ZNF140: variants seen among roughly 807,000 people sequenced by gnomAD.
ZNF140 encodes zinc finger protein 140 (clone pHZ-39).
Under a neutral mutation model 12.9 loss-of-function variants are expected in ZNF140, and 13 were observed. The observed-to-expected ratio is 1.01, with a 90% CI of 0.66 to 1.60. ZNF140 has a LOEUF of 1.60. Ranked by LOEUF, ZNF140 falls within the 40% of genes most tolerant of loss-of-function variation. ZNF140 has a pLI of 0.00. For synonymous variants in ZNF140, 214 were observed against 186.7 expected (o/e 1.15, Z -1.19); for missense variants, 531 against 548.8 (o/e 0.97, Z 0.32).
Position 133,093,193 on chromosome 12 carries a change from C to T in ZNF140, c.232+9632C>T, listed in dbSNP as rs375701194. Among the ~76,000 whole-genome samples, 54 of 151,284 alleles carry T rather than the reference C, an allele frequency of 3.6e-4. 1 individual carries two copies. In the East Asian group the frequency reaches 5.7e-3, roughly 16 times the overall value. On this transcript the variant is annotated intron_variant, in intron 4 of 4. Transcript: ENST00000355557. ...CAGGTTGGGCAGGGCCACGGTCATCCATGGGGCCTGGTACCCATGCACTGT... is the reference window on the plus strand; with the variant it reads ...CAGGTTGGGCAGGGCCACGGTCATCTATGGGGCCTGGTACCCATGCACTGT...
At position 133,106,210 on chromosome 12, in the gene ZNF140, C is replaced by T. The variant is rs777751395; in HGVS notation, c.933C>T (p.Arg311=). 1 of 1,614,158 alleles carries T rather than the reference C, an allele frequency of 6.2e-7. No homozygotes were observed. The highest frequency in any genetic ancestry group is 1.7e-5 in the Admixed American group (1 of 60,022). ...YECIECGKAF[R]RFSHLTRHQS... is the part of the protein sequence containing the mutation. Reference sequence around the variant, plus strand: ...GCATTGAATGTGGGAAGGCATTTCGCCGTTTCTCACACCTTACTCGACATC... The same window carrying T: ...GCATTGAATGTGGGAAGGCATTTCGTCGTTTCTCACACCTTACTCGACATC... Residue 311 remains arginine (R), a synonymous_variant, in exon 5 of 5, where the codon CGC becomes CGT. Coordinates refer to ENST00000355557, the MANE Select transcript of ZNF140 (RefSeq NM_003440.4).
intron 4 of ZNF140, among the ~76,000 whole-genome samples, chr12:133,098,088 C>A (rs1246430154): frequency 6.6e-6 from 1 of 152,024 alleles, no homozygotes; most frequent in Non-Finnish European, 1.5e-5. Context: ...CCCACCTCGA[C>A]CTCCCAAAGT....
intron 4 of ZNF140, chr12:133,093,609 T>C (rs1954970376): frequency 1.6e-6 from 1 of 627,420 alleles, no homozygotes; most frequent in African/African-American, 1.9e-5. Context: ...ATTTTTGTTG[T>C]CTTTCCACCA....
Position 133,105,739 on chromosome 12 carries a change from C to T in ZNF140, c.462C>T (p.Ile154=). ...HQEALAQHMN[I]STVERPYGCH... Reference sequence around the variant, plus strand: ...AAGCCCTGGCTCAACATATGAATATCAGTACTGTGGAGAGGCCCTATGGAT... The same window carrying T: ...AAGCCCTGGCTCAACATATGAATATTAGTACTGTGGAGAGGCCCTATGGAT... Residue 154 remains isoleucine (I), a synonymous_variant, in exon 5 of 5, where the codon ATC becomes ATT. Transcript: ENST00000355557. The T allele has an allele frequency of 6.2e-7, 1 of 1,614,160 alleles. No individual in the cohort carries two copies. Among genetic ancestry groups the T allele is most frequent in the East Asian group, 2.2e-5 (1 of 44,876 alleles).
At chr12:133,100,873 G>A (rs1027030178) in intron 4 of ZNF140, 4 of 338,950 alleles carry the variant, frequency 1.2e-5, no homozygotes, top group Middle Eastern at 3.8e-4. Context: ...ATTCACATTC[G>A]GGGTGGGGTG....
chr12:133,097,630 G>A (rs1200297993), intron 4 of ZNF140, among the ~76,000 whole-genome samples: 3 of 146,046 alleles, frequency 2.1e-5, no homozygotes, highest in Admixed American at 1.4e-4. Flanking sequence ...GCAACAGAGC[G>A]AGACTCTGTC....
At chr12:133,090,485 T>C (rs1954817706) in intron 4 of ZNF140, among the ~76,000 whole-genome samples, 1 of 152,174 alleles carries the variant, frequency 6.6e-6, no homozygotes, top group Admixed American at 6.5e-5. Flanking sequence ...CCTTTGAATT[T>C]AATTTGCTCT....
intron 4 of ZNF140, among the ~76,000 whole-genome samples, chr12:133,095,778 T>A (rs1038029533): frequency 9.9e-5 from 15 of 151,922 alleles, no homozygotes; most frequent in Admixed American, 8.5e-4. Flanking sequence ...GAAGGTACTA[T>A]GCCTGGATGT....
rs1304374914 is a variant in ZNF140, at chr12:133,093,315, C to T, written c.232+9754C>T. 7.8e-5 allele frequency: 49 copies of T among 626,954 alleles called. 2 individuals carry two copies. Among genetic ancestry groups the T allele is most frequent in the African/African-American group, 1.3e-4 (7 of 53,194 alleles). 38.8% of individuals were successfully genotyped at this position (626,954 alleles called of 1,614,324 possible). A position where few individuals can be genotyped will look rare whatever the true frequency, so the allele number is the denominator to read the frequency against. Reference sequence around the variant, plus strand: ...GCCCAGTAAGTATAGTTAGTTGTAGCGGCTCCTGCAGACATAGGGAGACTT... The same window carrying T: ...GCCCAGTAAGTATAGTTAGTTGTAGTGGCTCCTGCAGACATAGGGAGACTT... On this transcript the variant is annotated intron_variant, in intron 4 of 4. Coordinates refer to ENST00000355557, the MANE Select transcript of ZNF140 (RefSeq NM_003440.4).
chr12:133,094,265 C>A (rs1954991926), intron 4 of ZNF140, among the ~76,000 whole-genome samples: 1 of 151,296 alleles, frequency 6.6e-6, no homozygotes, highest in African/African-American at 2.4e-5. Flanking sequence ...GACTATTAAG[C>A]ATTCCCTGAG....
intron 4 of ZNF140, among the ~76,000 whole-genome samples, chr12:133,095,964 G>T (rs370813330): frequency 6.6e-6 from 1 of 151,156 alleles, no homozygotes; most frequent in Non-Finnish European, 1.5e-5. Flanking sequence ...GTTCCCAGGG[G>T]CAGGCAGGAG....
chr12:133,095,488 C>T (rs1348935556), intron 4 of ZNF140, among the ~76,000 whole-genome samples: 8 of 150,970 alleles, frequency 5.3e-5, no homozygotes, highest in South Asian at 2.1e-4. Flanking sequence ...GGTGGCCTGC[C>T]CCTCCACACC....
chr12:133,096,421 T>G (rs1955130983), intron 4 of ZNF140, among the ~76,000 whole-genome samples: 1 of 152,228 alleles, frequency 6.6e-6, no homozygotes, highest in African/African-American at 2.4e-5. Flanking sequence ...GAGTCTCTTA[T>G]GTCTTCCCTT....
chr12:133,099,955 C>T (rs1955276531), intron 4 of ZNF140, among the ~76,000 whole-genome samples: 1 of 150,736 alleles, frequency 6.6e-6, no homozygotes, highest in Non-Finnish European at 1.5e-5. Flanking sequence ...TCTCTCAGCA[C>T]TTCAAATATT....
chr12:133,093,415 G>A, intron 4 of ZNF140: 1 of 698,662 alleles, frequency 1.4e-6, no homozygotes, highest in Non-Finnish European at 2.6e-6. Context: ...TGTTTTCCAG[G>A]CTTTTTTTCA....
chr12:133,105,816 A>G lies in ZNF140; in HGVS notation c.539A>G (p.Gln180Arg). 1.2e-6 allele frequency: 2 copies of G among 1,614,220 alleles called. No homozygotes were observed. The highest frequency in any genetic ancestry group is 1.7e-6 in the Non-Finnish European group (2 of 1,180,050). ...FGRRFSLVLH[Q>R]RTHTGEKPYA... ...CGACGCTTTTCCCTGGTGTTACACC[A>G]GAGGACTCATACTGGAGAGAAACCA... Residue 180 changes from glutamine (Q) to arginine (R), a missense_variant, in exon 5 of 5, where the codon CAG becomes CGG. Physicochemically the swap from Gln to Arg is conservative, Grantham distance 43. Transcript: ENST00000355557.
intron 4 of ZNF140, chr12:133,084,246 AAATT>A: frequency 2.6e-6 from 1 of 385,030 alleles, no homozygotes; most frequent in Non-Finnish European, 4.9e-6. Context: ...AAGAAAAAAA[AAATT>A]AAAAGTACAT....
At chr12:133,100,279 C>T (rs939683616) in intron 4 of ZNF140, among the ~76,000 whole-genome samples, 1 of 138,660 alleles carries the variant, frequency 7.2e-6, no homozygotes, top group Non-Finnish European at 1.5e-5. Context: ...GCGATCCTTT[C>T]ACCTCAACCT....
chr12:133,099,484 T>C (rs1489265137), intron 4 of ZNF140, among the ~76,000 whole-genome samples: 4 of 152,172 alleles, frequency 2.6e-5, no homozygotes, highest in African/African-American at 9.7e-5. Flanking sequence ...GCCAATACAT[T>C]GTTATTATTT....
Sources: allele counts gnomAD v4.1 joint callset (sites outside exome capture counted in the v4.1 genomes callset), GRCh38; gene constraint gnomAD v4.1.1; transcripts MANE v1.5; gene names NCBI Gene and HGNC (gene_info 2026-07-23, HGNC 2026-07-21).